The following CCL28 variants were observed in gnomAD, a reference collection of about 807,000 sequenced individuals.
CCL28 encodes the protein C-C motif chemokine 28.
CCL28 carries 4 observed loss-of-function variants against 7.1 expected under a neutral mutation model. That is an observed-to-expected ratio of 0.56 (90% CI 0.28 to 1.29). CCL28 has a LOEUF of 1.29. CCL28 is among the 50% of genes most tolerant of loss of function. CCL28 has a pLI of 0.11. For synonymous variants in CCL28, 55 were observed against 57.8 expected, an observed-to-expected ratio of 0.95 and a Z score of 0.22; for missense variants, 151 against 163.4, an observed-to-expected ratio of 0.92 and a Z score of 0.41.
chr5:43,374,965 CCA>C (rs1739856433), downstream of CCL28, among the ~76,000 whole-genome samples: 2 of 151,986 alleles, frequency 1.3e-5, no homozygotes, highest in Admixed American at 6.6e-5. Context: ...CCCAGAAAAT[CCA>C]TTTTCTACAA....
At chr5:43,393,924 T>C (rs1490537213) in intron 1 of CCL28, among the ~76,000 whole-genome samples, 1 of 152,242 alleles carries the variant, frequency 6.6e-6, no homozygotes, top group Admixed American at 6.5e-5. Context: ...AGTTATTCTT[T>C]CTTCTGCTAT....
intron 2 of CCL28, among the ~76,000 whole-genome samples, chr5:43,386,060 G>C (rs187046024): frequency 6.6e-6 from 1 of 152,084 alleles, no homozygotes; most frequent in African/African-American, 2.4e-5. Flanking sequence ...CAAGCTTCAA[G>C]CTTCAAGTCT....
At chr5:43,408,857 C>T (rs1177413711) in intron 1 of CCL28, among the ~76,000 whole-genome samples, 1 of 148,944 alleles carries the variant, frequency 6.7e-6, no homozygotes, top group Non-Finnish European at 1.5e-5. Context: ...ATTTTTGTGA[C>T]ATTTTTGGTA....
At chr5:43,411,991 C>T (rs556801499) in intron 1 of CCL28, among the ~76,000 whole-genome samples, 78 of 152,150 alleles carry the variant, frequency 5.1e-4, no homozygotes, top group Non-Finnish European at 1.1e-3. Flanking sequence ...AAACATAGCT[C>T]GAAGTTGTAC....
At chr5:43,394,163 CT>C (rs1740704822) in intron 1 of CCL28, among the ~76,000 whole-genome samples, 1 of 152,170 alleles carries the variant, frequency 6.6e-6, no homozygotes, top group Admixed American at 6.5e-5. Flanking sequence ...TGCTTCTGGG[CT>C]TTTTCTTCTG....
chr5:43,368,147 G>C, the CCL28 span, among the ~76,000 whole-genome samples: 29 of 152,154 alleles, frequency 1.9e-4, no homozygotes, highest in African/African-American at 6.5e-4. Flanking sequence ...TTTGTAATAC[G>C]TGGGAGGAAA....
chr5:43,406,567 A>G (rs962963206), intron 1 of CCL28, among the ~76,000 whole-genome samples: 6 of 152,250 alleles, frequency 3.9e-5, no homozygotes, highest in African/African-American at 7.2e-5. Flanking sequence ...AACTGGAAGC[A>G]TTCCCTTTGA....
chr5:43,382,297 GAGA>G (rs1262928433), intron 2 of CCL28, among the ~76,000 whole-genome samples: 2 of 152,006 alleles, frequency 1.3e-5, no homozygotes, highest in Admixed American at 6.6e-5. Flanking sequence ...TTAAAAGAAA[GAGA>G]AGGAGAAGAA....
chr5:43,357,647 CT>C, the CCL28 span, among the ~76,000 whole-genome samples: 1 of 152,024 alleles, frequency 6.6e-6, no homozygotes, highest in Admixed American at 6.6e-5. Context: ...TTCTCTTACT[CT>C]CTCCCACCCA....
chr5:43,402,339 T>A (rs1448458467), intron 1 of CCL28, among the ~76,000 whole-genome samples: 1 of 152,184 alleles, frequency 6.6e-6, no homozygotes, highest in Non-Finnish European at 1.5e-5. Flanking sequence ...AGGACCTTGA[T>A]TAATATTAAT....
At chr5:43,378,150 C>T (rs1437042861), downstream of CCL28, among the ~76,000 whole-genome samples, 1 of 139,082 alleles carries the variant, frequency 7.2e-6, no homozygotes, top group African/African-American at 3.2e-5. Flanking sequence ...CAAGACCAGC[C>T]TGGGCAACAT....
At chr5:43,366,231 G>A in the CCL28 span, among the ~76,000 whole-genome samples, 2 of 152,176 alleles carry the variant, frequency 1.3e-5, no homozygotes, top group Non-Finnish European at 2.9e-5. Context: ...TGATCCTTTG[G>A]AGGAGAAGAG....
intron 1 of CCL28, among the ~76,000 whole-genome samples, chr5:43,412,016 C>T (rs1741552566): frequency 6.6e-6 from 1 of 152,228 alleles, no homozygotes; most frequent in African/African-American, 2.4e-5. Context: ...ATGGAAGGAC[C>T]TCATCCTCCA....
intron 1 of CCL28, among the ~76,000 whole-genome samples, chr5:43,403,767 G>C (rs879467977): frequency 6.6e-6 from 1 of 151,992 alleles, no homozygotes; most frequent in Non-Finnish European, 1.5e-5. Context: ...CTTGAAAAAA[G>C]ATTAGATGAA....
At chr5:43,404,999 A>G (rs991527561) in intron 1 of CCL28, among the ~76,000 whole-genome samples, 1 of 152,224 alleles carries the variant, frequency 6.6e-6, no homozygotes, top group Non-Finnish European at 1.5e-5. Flanking sequence ...GAGCACCCAG[A>G]TTCATAAAGC....
rs1005770304 is a variant in CCL28 at position 43,381,550 on chromosome 5, A to C, written c.*310T>G. 2.1e-5 allele frequency: 4 copies of C among 194,996 alleles called. No individual in the cohort carries two copies. The highest frequency in any genetic ancestry group is 9.3e-5 in the African/African-American group (4 of 42,792). 12.1% of individuals were successfully genotyped at this position (194,996 alleles called of 1,614,324 possible). ...AATTTTTTTTTTGTTTGTAGAAATG[A>C]GGTCTTGCTATGTTGCCCAGGCTGG... On this transcript the variant is annotated 3_prime_UTR_variant, in exon 3 of 3. Coordinates refer to ENST00000361115, the MANE Select transcript of CCL28 (RefSeq NM_148672.3).
chr5:43,369,397 A>G, the CCL28 span, among the ~76,000 whole-genome samples: 1 of 151,966 alleles, frequency 6.6e-6, no homozygotes, highest in African/African-American at 2.4e-5. Flanking sequence ...CCTGATATGT[A>G]TGTTATTTTA....
the CCL28 span, among the ~76,000 whole-genome samples, chr5:43,363,721 A>G: frequency 6.6e-6 from 1 of 152,186 alleles, no homozygotes; most frequent in African/African-American, 2.4e-5. Context: ...CTCCAATTTC[A>G]GTAGCTCAGA....
intron 1 of CCL28, 91 bp from the exon 2 acceptor site, chr5:43,388,567 T>A: frequency 7.7e-7 from 1 of 1,305,662 alleles, no homozygotes; most frequent in Non-Finnish European, 1.0e-6. Flanking sequence ...GAAACAATGT[T>A]AATCCACACA....
Sources: allele counts gnomAD v4.1 joint callset (sites outside exome capture counted in the v4.1 genomes callset), GRCh38; gene constraint gnomAD v4.1.1; transcripts MANE v1.5; gene names NCBI Gene and HGNC (gene_info 2026-07-23, HGNC 2026-07-21).